DCAF6: variants seen among roughly 807,000 people sequenced by gnomAD.
The protein encoded by DCAF6 is DDB1- and CUL4-associated factor 6.
Under a neutral mutation model 125.1 loss-of-function variants are expected in DCAF6, and 54 were observed. That is an observed-to-expected ratio of 0.43 (90% CI 0.35 to 0.54). DCAF6 has a LOEUF of 0.54. Ranked by LOEUF, DCAF6 falls within the 20% of genes least tolerant of loss-of-function variation. DCAF6 has a pLI of 0.01. For synonymous variants in DCAF6, 371 were observed against 390.4 expected (o/e 0.95, Z 0.58); for missense variants, 934 against 1,161.7 (o/e 0.80, Z 2.85).
intron 16 of DCAF6, among the ~76,000 whole-genome samples, chr1:168,049,602 G>T (rs17485889): frequency 0.21 from 31,229 of 147,010 alleles, 3,928 homozygotes; most frequent in Admixed American, 0.37. Flanking sequence ...CCCTTGGAAT[G>T]AAAAGAGTGT....
At chr1:167,896,604 C>G in the DCAF6 span, 1 of 1,611,446 alleles carries the variant, frequency 6.2e-7, no homozygotes, top group African/African-American at 1.3e-5. Flanking sequence ...CTTTTGTGCT[C>G]ACCAGAAGGA....
chr1:168,005,390 A>AT (rs138673343), intron 10 of DCAF6, among the ~76,000 whole-genome samples: 2,297 of 152,050 alleles, frequency 0.015, 53 homozygotes, highest in African/African-American at 0.051. Flanking sequence ...TTAAAATGCT[A>AT]TTTTTTTCTC....
intron 4 of DCAF6, among the ~76,000 whole-genome samples, chr1:167,975,734 G>A (rs1343827341): frequency 6.6e-6 from 1 of 152,100 alleles, no homozygotes; most frequent in African/African-American, 2.4e-5. Flanking sequence ...TGTTGTTGTT[G>A]TGGAGACAGG....
At chr1:168,044,083 C>T (rs1032280938) in intron 14 of DCAF6, among the ~76,000 whole-genome samples, 2 of 152,014 alleles carry the variant, frequency 1.3e-5, no homozygotes, top group Admixed American at 6.6e-5. Flanking sequence ...AGCAGTGGGC[C>T]CATCCGTCCA....
chr1:167,956,301 G>A (rs1239079115), intron 2 of DCAF6, among the ~76,000 whole-genome samples: 1 of 151,776 alleles, frequency 6.6e-6, no homozygotes, highest in Non-Finnish European at 1.5e-5. Flanking sequence ...TGTTTAATAT[G>A]TGTGCTTCAC....
intron 11 of DCAF6, among the ~76,000 whole-genome samples, chr1:168,020,633 A>G (rs10918810): frequency 0.059 from 8,954 of 152,216 alleles, 835 homozygotes; most frequent in African/African-American, 0.2. Context: ...GTTTGTGATT[A>G]TATTCTCTAG....
At chr1:167,964,679 T>C (rs1466972750) in intron 2 of DCAF6, among the ~76,000 whole-genome samples, 1 of 152,230 alleles carries the variant, frequency 6.6e-6, no homozygotes, top group Non-Finnish European at 1.5e-5. Context: ...ACATGAGTTA[T>C]GCCTTTTGTA....
At chr1:167,932,111 G>A (rs111289157), upstream of DCAF6, among the ~76,000 whole-genome samples, 11 of 152,242 alleles carry the variant, frequency 7.2e-5, no homozygotes, top group African/African-American at 1.7e-4. Context: ...GCTATAATGC[G>A]TTAAAATGAT....
At chr1:167,951,160 G>A (rs912340042) in intron 1 of DCAF6, among the ~76,000 whole-genome samples, 3 of 151,944 alleles carry the variant, frequency 2.0e-5, no homozygotes, top group South Asian at 2.1e-4. Flanking sequence ...TTTTACCACC[G>A]TAAAATATAC....
intron 4 of DCAF6, among the ~76,000 whole-genome samples, chr1:167,983,679 C>T (rs1053676348): frequency 6.6e-6 from 1 of 152,160 alleles, no homozygotes; most frequent in Non-Finnish European, 1.5e-5. Context: ...TTCTAAATTC[C>T]CAGAAATGTT....
intron 7 of DCAF6, among the ~76,000 whole-genome samples, chr1:167,998,994 CTT>C (rs1342764374): frequency 6.6e-6 from 1 of 152,100 alleles, no homozygotes; most frequent in Non-Finnish European, 1.5e-5. Flanking sequence ...TTTCAGTTGA[CTT>C]TTCACAGATC....
chr1:167,864,578 A>C, the DCAF6 span, among the ~76,000 whole-genome samples: 1 of 152,154 alleles, frequency 6.6e-6, no homozygotes, highest in Non-Finnish European at 1.5e-5. Flanking sequence ...AGGCAAAAGG[A>C]AAGTCAAAGA....
intron 3 of DCAF6, among the ~76,000 whole-genome samples, chr1:167,972,616 A>G (rs1440410186): frequency 6.6e-6 from 1 of 152,218 alleles, no homozygotes; most frequent in Non-Finnish European, 1.5e-5. Context: ...AGATAATGAC[A>G]TTGGAGTTGG....
intron 1 of DCAF6, among the ~76,000 whole-genome samples, chr1:167,943,563 T>G (rs1251297954): frequency 1.3e-5 from 2 of 152,254 alleles, no homozygotes; most frequent in African/African-American, 4.8e-5. Context: ...TATGCAGTTT[T>G]GTTACATGCA....
At position 167,936,724 on chromosome 1, in the gene DCAF6, T is replaced by C; in HGVS notation, c.-188T>C. ...CTAAGAAGGAGAGTATGAGGCGAGCTCCGGCCCGGGTGCGGCCGGGCTTCA... is the reference window on the plus strand; with the variant it reads ...CTAAGAAGGAGAGTATGAGGCGAGCCCCGGCCCGGGTGCGGCCGGGCTTCA... On this transcript the variant is annotated 5_prime_UTR_variant, in exon 1 of 22. Coordinates refer to ENST00000367840, the MANE Select transcript of DCAF6 (RefSeq NM_001198956.2). The C allele has an allele frequency of 1.7e-6, 1 of 594,520 alleles. No homozygotes were observed. Among genetic ancestry groups the C allele is most frequent in the Non-Finnish European group, 3.0e-6 (1 of 332,920 alleles). The allele number at this position is 594,520 out of a possible 1,614,324, so 36.8% of individuals were successfully genotyped here.
chr1:168,066,621 A>T (rs1572170428), intron 20 of DCAF6, among the ~76,000 whole-genome samples, 156 bp downstream of exon 20: 4 of 152,308 alleles, frequency 2.6e-5, no homozygotes, highest in Admixed American at 2.6e-4. Context: ...AGATAAAAGG[A>T]TGTCTATAAT....
the DCAF6 span, among the ~76,000 whole-genome samples, chr1:167,885,041 G>T: frequency 6.6e-6 from 1 of 152,136 alleles, no homozygotes; most frequent in Non-Finnish European, 1.5e-5. Flanking sequence ...AGAACATGTG[G>T]TTTCTCTTTC....
intron 10 of DCAF6, among the ~76,000 whole-genome samples, chr1:168,008,057 C>T (rs1448010494): frequency 6.6e-6 from 1 of 150,718 alleles, no homozygotes; most frequent in Non-Finnish European, 1.5e-5. Context: ...GCAGCCTCCC[C>T]CTCCTGGGTT....
intron 21 of DCAF6, among the ~76,000 whole-genome samples, chr1:168,072,664 A>G (rs1221510174): frequency 6.6e-6 from 1 of 152,200 alleles, no homozygotes; most frequent in Admixed American, 6.5e-5. Flanking sequence ...AAATAAGTAC[A>G]CATCTAGTAT....
Sources: gnomAD v4.1 joint callset for allele counts (sites outside exome capture counted in the v4.1 genomes callset) on GRCh38, gnomAD v4.1.1 for gene constraint, MANE v1.5 for transcripts, NCBI Gene and HGNC (gene_info 2026-07-23, HGNC 2026-07-21) for gene names.